Variants in FGGY observed in about 807,000 individuals in gnomAD.
FGGY encodes FGGY carbohydrate kinase domain-containing protein.
A neutral mutation model predicts 71.3 loss-of-function variants in FGGY; 72 were observed. That is an observed-to-expected ratio of 1.01 (90% CI 0.84 to 1.23). FGGY has a LOEUF of 1.23. Among genes scored for constraint, FGGY ranks in the 50% most tolerant of loss-of-function variants. The pLI, the probability that FGGY is intolerant of heterozygous loss-of-function variation, is 0.00. For synonymous variants in FGGY, 251 were observed against 250.3 expected (o/e 1.00, Z -0.02); for missense variants, 668 against 682.3 (o/e 0.98, Z 0.23).
chr1:59,592,204 T>G lies in FGGY; in HGVS notation c.904-15599T>G, dbSNP rs575692044. On this transcript the variant is annotated intron_variant, in intron 8 of 15. Coordinates refer to ENST00000303721, the MANE Select transcript of FGGY (RefSeq NM_018291.5). ...AAAAAATGCTCACCATCACTGGCCA[T>G]CAGAGAAATGCAAATCAAAACCACA... Among the ~76,000 whole-genome samples, 639 of 152,264 alleles carry G rather than the reference T, an allele frequency of 4.2e-3. 5 individuals are homozygous for G. The highest frequency in any genetic ancestry group is 0.01 in the Middle Eastern group (3 of 294).
At chr1:59,670,790 G>A (rs1215471192) in intron 13 of FGGY, among the ~76,000 whole-genome samples, 1 of 152,202 alleles carries the variant, frequency 6.6e-6, no homozygotes, top group African/African-American at 2.4e-5. Context: ...TGTACAAGCA[G>A]GGAGAGCGGG....
intron 14 of FGGY, among the ~76,000 whole-genome samples, chr1:59,682,673 T>C (rs937015455): frequency 4.6e-5 from 7 of 152,172 alleles, no homozygotes; most frequent in Admixed American, 3.3e-4. Context: ...GGAATCAGAA[T>C]CAGAGAGCAA....
chr1:59,668,345 C>G (rs556618948), intron 13 of FGGY, among the ~76,000 whole-genome samples: 47 of 152,298 alleles, frequency 3.1e-4, no homozygotes, highest in African/African-American at 1.1e-3. Flanking sequence ...GGCCAGGTAC[C>G]ACCAGGGCAG....
At chr1:59,608,008 G>A (rs750224343) in intron 9 of FGGY, 98 bp downstream of exon 9, 3 of 930,312 alleles carry the variant, frequency 3.2e-6, no homozygotes, top group Non-Finnish European at 5.1e-6. Flanking sequence ...TGGAGGATTT[G>A]CAGACCCCTG....
intron 8 of FGGY, among the ~76,000 whole-genome samples, chr1:59,575,189 GT>G (rs2096058160): frequency 6.6e-6 from 1 of 152,026 alleles, no homozygotes; most frequent in African/African-American, 2.4e-5. Context: ...TCACCATGCT[GT>G]GCAACAGATC....
rs374192903 is a variant in FGGY, at chr1:59,554,219, C to G, written c.895C>G (p.His299Asp). The G allele has an allele frequency of 8.7e-6, 14 of 1,612,816 alleles. No individual in the cohort carries two copies. The African/African-American group carries it at 1.9e-4, about 22-fold the overall frequency. Reference protein sequence around the residue: ...LAVICGTSSCHMGISKDPIFV... With the variant: ...LAVICGTSSCDMGISKDPIFV... ...TGTCATCTGTGGAACGTCTTCTTGT[C>G]ACATGGGGGTGAGTCCACTGAGCAC... is the stretch of plus-strand genomic sequence containing the variant. The change falls in exon 8 of 16, where the codon CAC becomes GAC. Residue 299 changes from histidine to aspartate, a missense_variant. Around this residue, in one of 2 missense-constraint regions of FGGY, gnomAD observed 661 missense variants for 661.6 expected, o/e 1.00. Transcript: ENST00000303721.
chr1:59,731,524 G>T (rs192710033), intron 14 of FGGY, among the ~76,000 whole-genome samples: 1 of 152,290 alleles, frequency 6.6e-6, no homozygotes, highest in East Asian at 1.9e-4. Context: ...TAAGAAGGTT[G>T]TAGGGGGTTG....
chr1:59,519,471 A>G (rs1487498513), intron 7 of FGGY, among the ~76,000 whole-genome samples: 2 of 152,168 alleles, frequency 1.3e-5, no homozygotes, highest in African/African-American at 4.8e-5. Flanking sequence ...TGAGACTTAA[A>G]CAATTATTAA....
At chr1:59,536,051 T>G (rs1157891136) in intron 7 of FGGY, among the ~76,000 whole-genome samples, 2 of 151,438 alleles carry the variant, frequency 1.3e-5, no homozygotes, top group Admixed American at 1.3e-4. Context: ...GGAGCTGGTT[T>G]TTTGAAAGGA....
chr1:59,459,081 A>G (rs921020968), intron 6 of FGGY, among the ~76,000 whole-genome samples: 2 of 152,194 alleles, frequency 1.3e-5, no homozygotes, highest in South Asian at 4.1e-4. Context: ...TAATACAATT[A>G]CCATAATTTG....
intron 1 of FGGY, among the ~76,000 whole-genome samples, chr1:59,301,706 C>CTTTTTTTTTTTTTT (rs34290988): frequency 1.8e-5 from 1 of 55,006 alleles, no homozygotes; most frequent in Non-Finnish European, 3.1e-5. Context: ...TGTGATCATT[C>CTTTTTTTTTTTTTT]TTTTTTTTTT....
intron 8 of FGGY, among the ~76,000 whole-genome samples, chr1:59,574,989 C>G (rs1052463842): frequency 6.6e-6 from 1 of 151,918 alleles, no homozygotes; most frequent in Non-Finnish European, 1.5e-5. Flanking sequence ...TCGTTTATTT[C>G]TTACTGACAA....
intron 5 of FGGY, among the ~76,000 whole-genome samples, chr1:59,421,418 A>C (rs1235953217): frequency 3.3e-5 from 5 of 152,060 alleles, no homozygotes; most frequent in Non-Finnish European, 7.4e-5. Flanking sequence ...AAAGCCTGGA[A>C]TTTGTTTAAA....
intron 11 of FGGY, among the ~76,000 whole-genome samples, chr1:59,648,693 G>T (rs757456687): frequency 0.058 from 8,564 of 147,156 alleles, 791 homozygotes; most frequent in African/African-American, 0.19. Flanking sequence ...CACCCATTTT[G>T]TAGGTTGCCT....
intron 6 of FGGY, among the ~76,000 whole-genome samples, chr1:59,499,315 T>TTTTTTTTTTTTTTTTTTTTG (rs2094149856): frequency 6.7e-6 from 1 of 149,170 alleles, no homozygotes. Context: ...TTTTTTTTTT[T>TTTTTTTTTTTTTTTTTTTTG]GATCTGGTAA....
At chr1:59,387,183 A>G (rs2060169719) in intron 5 of FGGY, among the ~76,000 whole-genome samples, 1 of 152,178 alleles carries the variant, frequency 6.6e-6, no homozygotes, top group Non-Finnish European at 1.5e-5. Context: ...AATACAATTC[A>G]TAGGATCTCA....
chr1:59,635,358 G>A (rs1394317779), intron 10 of FGGY, among the ~76,000 whole-genome samples: 2 of 152,146 alleles, frequency 1.3e-5, no homozygotes. Flanking sequence ...GATCTCATTA[G>A]TGCATGAGTG....
intron 9 of FGGY, among the ~76,000 whole-genome samples, chr1:59,622,872 T>A (rs2096823636): frequency 6.6e-6 from 1 of 152,210 alleles, no homozygotes; most frequent in Non-Finnish European, 1.5e-5. Context: ...CTCTCCAGTT[T>A]CTACCTGGTT....
At chr1:59,646,722 T>C (rs1377336903) in intron 11 of FGGY, among the ~76,000 whole-genome samples, 1 of 152,120 alleles carries the variant, frequency 6.6e-6, no homozygotes, top group Non-Finnish European at 1.5e-5. Context: ...ACAATGTTGT[T>C]GTCCCATTTA....
Sources: gnomAD v4.1 joint callset for allele counts (sites outside exome capture counted in the v4.1 genomes callset) on GRCh38, gnomAD v4.1.1 for gene constraint, gnomAD v4.1.1 regional missense constraint, MANE v1.5 for transcripts, NCBI Gene and HGNC (gene_info 2026-07-23, HGNC 2026-07-21) for gene names.